The following CYP4F22 variants were observed in gnomAD, a reference collection of about 807,000 sequenced individuals.
CYP4F22 encodes the protein ultra-long-chain fatty acid omega-hydroxylase.
In CYP4F22, 37 loss-of-function variants were observed where a neutral mutation model predicts 60.4. The observed-to-expected ratio is 0.61, with a 90% confidence interval of 0.47 to 0.81. The LOEUF is 0.81. CYP4F22 is among the 30% of genes least tolerant of loss of function. The probability of loss-of-function intolerance (pLI) is 0.00; values close to 1 mark genes in which losing one functional copy is unlikely to be tolerated. For synonymous variants in CYP4F22, 258 were observed against 280.5 expected, an observed-to-expected ratio of 0.92 and a Z score of 0.80; for missense variants, 655 against 715.0, an observed-to-expected ratio of 0.92 and a Z score of 0.96.
chr19:15,549,084 T>C, intron 11 of CYP4F22, 54 bp from the exon 12 acceptor site: 1 of 1,603,830 alleles, frequency 6.2e-7, no homozygotes, highest in Non-Finnish European at 8.5e-7. Context: ...GGGGGATGTT[T>C]CTGGAGGAGG....
chr19:15,524,816 C>T (rs950365652), intron 2 of CYP4F22, among the ~76,000 whole-genome samples: 13 of 151,890 alleles, frequency 8.6e-5, no homozygotes, highest in African/African-American at 1.2e-4. Context: ...TTGTGTTATG[C>T]GAATCTCATC....
intron 4 of CYP4F22, among the ~76,000 whole-genome samples, chr19:15,536,460 G>C (rs1439231658): frequency 6.6e-6 from 1 of 152,212 alleles, no homozygotes; most frequent in East Asian, 1.9e-4. Context: ...TTGAAAATGG[G>C]CTGGTATGTG....
At chr19:15,508,799 G>A (rs1971049705) in intron 1 of CYP4F22, among the ~76,000 whole-genome samples, 1 of 152,000 alleles carries the variant, frequency 6.6e-6, no homozygotes, top group African/African-American at 2.4e-5. Flanking sequence ...GTGTGTCCCC[G>A]ACGTTTGCTG....
intron 4 of CYP4F22, among the ~76,000 whole-genome samples, chr19:15,535,537 A>G (rs1971385580): frequency 6.6e-6 from 1 of 152,192 alleles, no homozygotes; most frequent in Non-Finnish European, 1.5e-5. Context: ...TGTTCAGTAT[A>G]TAGAAGGAGG....
At chr19:15,523,837 A>C (rs1452750414) in intron 2 of CYP4F22, 38 bp downstream of exon 2, 1 of 152,224 alleles carries the variant, frequency 6.6e-6, no homozygotes. Context: ...TGTTCAGAGT[A>C]GCATATTTCA....
intron 10 of CYP4F22, among the ~76,000 whole-genome samples, chr19:15,545,648 C>CAAAAAAAAAAAAAAA (rs1217096575): frequency 2.3e-4 from 9 of 38,948 alleles, no homozygotes; most frequent in African/African-American, 5.3e-4. Context: ...GACCCTGTCT[C>CAAAAAAAAAAAAAAA]AAAAAAAAAA....
intron 3 of CYP4F22, among the ~76,000 whole-genome samples, chr19:15,528,182 G>C (rs1364349068): frequency 6.6e-6 from 1 of 152,178 alleles, no homozygotes; most frequent in Non-Finnish European, 1.5e-5. Flanking sequence ...GCTGGGCACA[G>C]TGGCTCACAC....
At chr19:15,537,487 G>T in intron 5 of CYP4F22, 48 bp from the exon 6 acceptor site, 1 of 1,614,122 alleles carries the variant, frequency 6.2e-7, no homozygotes, top group Non-Finnish European at 8.5e-7. Flanking sequence ...TCCTTGGAAG[G>T]TTTCAGAGTA....
chr19:15,513,782 C>T (rs1330449865), intron 1 of CYP4F22, among the ~76,000 whole-genome samples: 2 of 152,152 alleles, frequency 1.3e-5, no homozygotes, highest in Admixed American at 1.3e-4. Context: ...GGATTACAGG[C>T]GTGAGCCACC....
At chr19:15,537,735 G>C (rs1971414442) in intron 6 of CYP4F22, 73 bp downstream of exon 6, 1 of 1,606,854 alleles carries the variant, frequency 6.2e-7, no homozygotes, top group Non-Finnish European at 8.5e-7. Context: ...TCATGCATGG[G>C]CAAGCCATGT....
intron 1 of CYP4F22, among the ~76,000 whole-genome samples, chr19:15,518,604 G>A (rs530362523): frequency 8.2e-5 from 11 of 134,918 alleles, no homozygotes; most frequent in African/African-American, 2.6e-4. Flanking sequence ...AGCCGAGATC[G>A]CGCCACTGCA....
intron 1 of CYP4F22, among the ~76,000 whole-genome samples, chr19:15,519,145 A>T (rs1221554586): frequency 6.6e-6 from 1 of 151,914 alleles, no homozygotes; most frequent in African/African-American, 2.4e-5. Flanking sequence ...AAACCACGGG[A>T]GGGGTGAGAT....
rs762067603 is a variant in CYP4F22, at chr19:15,549,213, GC to G, written c.1335+15del. 7 of 1,613,842 alleles carry G rather than the reference GC, an allele frequency of 4.3e-6. No individual in the cohort carries two copies. In the African/African-American group the frequency reaches 8.0e-5, roughly 18 times the overall value. On this transcript the variant is annotated intron_variant, in intron 12 of 13. Transcript: ENST00000269703. ...TGGCCTGACTCCAAGGTGAGTGCCT[GC>G]CCCACTCCTCCCTGCCCTCAGGTCC...
intron 1 of CYP4F22, among the ~76,000 whole-genome samples, chr19:15,517,031 G>A (rs1344803419): frequency 6.6e-6 from 1 of 152,066 alleles, no homozygotes; most frequent in Non-Finnish European, 1.5e-5. Context: ...ATGTTGGCCA[G>A]GCTGGTCTTG....
intron 4 of CYP4F22, among the ~76,000 whole-genome samples, chr19:15,532,439 A>G (rs1971353527): frequency 6.6e-6 from 1 of 151,186 alleles, no homozygotes; most frequent in Admixed American, 6.6e-5. Context: ...CAGTGGCATG[A>G]TCTCAGCTCA....
intron 3 of CYP4F22, 71 bp downstream of exon 3, chr19:15,525,629 G>T: frequency 6.9e-7 from 1 of 1,442,294 alleles, no homozygotes; most frequent in Admixed American, 1.9e-5. Flanking sequence ...GGGATGGTGG[G>T]CCTGCTGGCT....
rs181411854 is a variant in CYP4F22 at position 15,513,457 on chromosome 19, C to T, written c.-109+4874C>T. Among the ~76,000 whole-genome samples the T allele has an allele frequency of 5.8e-3, 880 of 150,792 alleles. 11 individuals carry two copies. The highest frequency in any genetic ancestry group is 0.021 in the Middle Eastern group (6 of 290). The stretch of plus-strand genomic sequence containing the variant: ...TCGGCTCACTGCAAACTCCGCCTCC[C>T]GGGTTCACGCCATTCTTCAGCCTCA... On this transcript the variant is annotated intron_variant, in intron 1 of 13. Coordinates refer to ENST00000269703, the MANE Select transcript of CYP4F22 (RefSeq NM_173483.4).
chr19:15,548,099 T>TCTCC lies in CYP4F22; in HGVS notation c.1137-7_1137-4dup, dbSNP rs1971553349. On this transcript the variant is annotated splice_polypyrimidine_tract_variant and intron_variant, in intron 10 of 13. Coordinates refer to ENST00000269703, the MANE Select transcript of CYP4F22 (RefSeq NM_173483.4). ...GCTCGGCCTCTAGTTATATCTCCAT[T>TCTCC]CTCCCCAGGGACGATCTGACTCAGC... 2 of 1,604,498 alleles carry TCTCC rather than the reference T, an allele frequency of 1.2e-6. No individual in the cohort carries two copies. Among genetic ancestry groups the TCTCC allele is most frequent in the Admixed American group, 3.4e-5 (2 of 59,382 alleles).
chr19:15,541,402 C>G (rs1305393615), intron 8 of CYP4F22, among the ~76,000 whole-genome samples: 1 of 152,174 alleles, frequency 6.6e-6, no homozygotes, highest in African/African-American at 2.4e-5. Context: ...CTGTCTCTGT[C>G]TTCGTCTCTT....
Sources: gnomAD v4.1 joint callset for allele counts (sites outside exome capture counted in the v4.1 genomes callset) on GRCh38, gnomAD v4.1.1 for gene constraint, MANE v1.5 for transcripts, NCBI Gene and HGNC (gene_info 2026-07-23, HGNC 2026-07-21) for gene names.